The following ETV5 variants were observed in gnomAD, a reference collection of about 807,000 sequenced individuals.
ETV5 encodes ETS translocation variant 5.
In ETV5, 10 loss-of-function variants were observed where a neutral mutation model predicts 70.0. The observed-to-expected ratio is 0.14, with a 90% CI of 0.09 to 0.24. The LOEUF is 0.24. ETV5 is among the 10% of genes least tolerant of loss of function. ETV5 has a pLI of 1.00. For synonymous variants in ETV5, 216 were observed against 242.2 expected, an observed-to-expected ratio of 0.89 and a Z score of 1.01; for missense variants, 453 against 651.2, an observed-to-expected ratio of 0.70 and a Z score of 3.31.
intron 7 of ETV5, among the ~76,000 whole-genome samples, chr3:186,071,230 G>A (rs1469449460): frequency 6.6e-6 from 1 of 152,096 alleles, no homozygotes; most frequent in African/African-American, 2.4e-5. Flanking sequence ...ATCTGACAGA[G>A]GTTATATAGT....
intron 5 of ETV5, among the ~76,000 whole-genome samples, chr3:186,099,542 G>T (rs1703786486): frequency 6.6e-6 from 1 of 152,230 alleles, no homozygotes; most frequent in African/African-American, 2.4e-5. Context: ...TCTGAGGCTG[G>T]ATGTACTTTA....
chr3:186,075,964 GC>G (rs1268951288), intron 7 of ETV5, among the ~76,000 whole-genome samples: 1 of 152,096 alleles, frequency 6.6e-6, no homozygotes, highest in African/African-American at 2.4e-5. Flanking sequence ...TTTAATAAAA[GC>G]CAAAAATATA....
chr3:186,108,206 T>C (rs1178745380), intron 1 of ETV5, among the ~76,000 whole-genome samples: 3 of 134,678 alleles, frequency 2.2e-5, no homozygotes, highest in Non-Finnish European at 3.1e-5. Context: ...CCTCTGAAAA[T>C]GCGGCCGGAA....
chr3:186,105,598 C>A lies in ETV5; in HGVS notation c.133+27G>T, dbSNP rs369327707. ...ACTGTCACTGGGAGCAGGGAAGCCACAACATAATCAGGGAAAGCTTTACTA... is the reference window on the plus strand; with the variant it reads ...ACTGTCACTGGGAGCAGGGAAGCCAAAACATAATCAGGGAAAGCTTTACTA... On this transcript the variant is annotated intron_variant, in intron 3 of 12. Transcript: ENST00000306376. This position sits in a 1 kb window ranked among gnomAD's most constrained non-coding sequence, Gnocchi z 4.5. 1 of 1,613,812 alleles carries A rather than the reference C, an allele frequency of 6.2e-7. No individual in the cohort carries two copies. The highest frequency in any genetic ancestry group is 2.2e-5 in the East Asian group (1 of 44,886).
intron 5 of ETV5, among the ~76,000 whole-genome samples, chr3:186,090,124 C>T (rs1205326803): frequency 6.6e-6 from 1 of 152,176 alleles, no homozygotes; most frequent in Non-Finnish European, 1.5e-5. Context: ...AATCCTTTAT[C>T]TTATAGTTGA....
At chr3:186,100,882 A>T (rs181229338) in intron 5 of ETV5, among the ~76,000 whole-genome samples, 25 of 152,362 alleles carry the variant, frequency 1.6e-4, no homozygotes, top group Non-Finnish European at 2.4e-4. Flanking sequence ...CATAACTGAA[A>T]TTAATAAGTG....
At chr3:186,060,016 T>A (rs541544842) in intron 9 of ETV5, among the ~76,000 whole-genome samples, 1 of 152,236 alleles carries the variant, frequency 6.6e-6, no homozygotes, top group Admixed American at 6.5e-5. Flanking sequence ...TAATCCACTA[T>A]GCTTCAAACA....
rs888480632 is a variant in ETV5, at chr3:186,046,498, C to T, written c.*2141G>A. On this transcript the variant is annotated 3_prime_UTR_variant, in exon 13 of 13. Transcript: ENST00000306376. ...GCAAACAAACAAACCCCAAAGAACC[C>T]CCGAAAAAAACAAAAACCATCCGGG... 4 of 231,610 alleles carry T rather than the reference C, an allele frequency of 1.7e-5. No individual in the cohort carries two copies. Among genetic ancestry groups the T allele is most frequent in the African/African-American group, 8.9e-5 (4 of 45,136 alleles). The allele number at this position is 231,610 out of a possible 1,614,324, so 14.3% of individuals were successfully genotyped here. A position where few individuals can be genotyped will look rare whatever the true frequency, so the allele number is the denominator to read the frequency against.
Position 186,046,471 on chromosome 3 carries a change from A to C in ETV5, c.*2168T>G, listed in dbSNP as rs1428302795. 7 of 231,442 alleles carry C rather than the reference A, an allele frequency of 3.0e-5. No individual in the cohort carries two copies. The highest frequency in any genetic ancestry group is 6.1e-5 in the East Asian group (1 of 16,308). The allele number at this position is 231,442 out of a possible 1,614,324, so 14.3% of individuals were successfully genotyped here. On this transcript the variant is annotated 3_prime_UTR_variant, in exon 13 of 13. Transcript: ENST00000306376. ...GTAGACTTTCCACACTCTGGAAAAG[A>C]AGCAAACAAACAAACCCCAAAGAAC... is the stretch of plus-strand genomic sequence containing the variant.
chr3:186,107,623 G>A (rs1388092037), intron 1 of ETV5, among the ~76,000 whole-genome samples: 2 of 152,220 alleles, frequency 1.3e-5, no homozygotes, highest in African/African-American at 2.4e-5. Flanking sequence ...CTGAAGGAAA[G>A]GCTCGAGTTC....
At chr3:186,088,947 A>G (rs1714119859) in intron 5 of ETV5, among the ~76,000 whole-genome samples, 1 of 152,236 alleles carries the variant, frequency 6.6e-6, no homozygotes, top group African/African-American at 2.4e-5. Context: ...TTTAAGTTCT[A>G]CAGTATTACC....
intron 7 of ETV5, among the ~76,000 whole-genome samples, chr3:186,078,682 C>T (rs942004783): frequency 9.9e-5 from 15 of 152,146 alleles, no homozygotes; most frequent in Admixed American, 9.2e-4. Context: ...TAGAGGCCCA[C>T]TCCAGAGCCA....
chr3:186,108,657 G>GC, intron 1 of ETV5: 1 of 1,156,768 alleles, frequency 8.6e-7, no homozygotes, highest in Non-Finnish European at 1.1e-6. Flanking sequence ...CCACTCGGGA[G>GC]CCCCCGCACT....
chr3:186,064,250 A>T, intron 9 of ETV5, 167 bp downstream of exon 9: 1 of 647,324 alleles, frequency 1.5e-6, no homozygotes, highest in South Asian at 2.0e-5. Context: ...GCAAGGTTTA[A>T]ACTATGATCT....
chr3:186,083,497 C>T (rs940121558), intron 5 of ETV5, among the ~76,000 whole-genome samples: 1 of 152,068 alleles, frequency 6.6e-6, no homozygotes, highest in Non-Finnish European at 1.5e-5. Flanking sequence ...CCAAAGTTGC[C>T]CAGAAACACT....
At chr3:186,064,848 AG>A (rs1713402586) in intron 8 of ETV5, among the ~76,000 whole-genome samples, 1 of 152,208 alleles carries the variant, frequency 6.6e-6, no homozygotes, top group Non-Finnish European at 1.5e-5. Context: ...CCTGGGTGTT[AG>A]GGTGGGAACG....
intron 5 of ETV5, among the ~76,000 whole-genome samples, chr3:186,088,551 G>A (rs1174159514): frequency 2.6e-5 from 4 of 152,160 alleles, no homozygotes; most frequent in African/African-American, 9.7e-5. Context: ...AAGAATGGGG[G>A]TGGGAGGGGA....
rs1256047717 is a variant in ETV5 at position 186,052,695 on chromosome 3, T to C, written c.1210-564A>G. The stretch of plus-strand genomic sequence containing the variant: ...TCCAATCCCATGCTCCCAGCAGACT[T>C]GCAGAATGGACATGAAAGCATGTAG... On this transcript the variant is annotated intron_variant, in intron 11 of 12. Transcript: ENST00000306376. The surrounding 1 kb of genome is among the most constrained non-coding windows in gnomAD (Gnocchi z 4.5). Among the ~76,000 whole-genome samples, 1 of 152,196 alleles carries C rather than the reference T, an allele frequency of 6.6e-6. No homozygotes were observed. Among genetic ancestry groups the C allele is most frequent in the Non-Finnish European group, 1.5e-5 (1 of 68,046 alleles).
At chr3:186,104,673 T>C (rs559799039) in intron 5 of ETV5, among the ~76,000 whole-genome samples, 1 of 152,120 alleles carries the variant, frequency 6.6e-6, no homozygotes, top group Admixed American at 6.5e-5. Flanking sequence ...GATTAATAGA[T>C]GCTTGGCCTA....
Sources: gnomAD v4.1 joint callset for allele counts (sites outside exome capture counted in the v4.1 genomes callset) on GRCh38, gnomAD v4.1.1 for gene constraint, Gnocchi (gnomAD v3.1) non-coding constraint, MANE v1.5 for transcripts, NCBI Gene and HGNC (gene_info 2026-07-23, HGNC 2026-07-21) for gene names.